IKZF1: variants seen among roughly 807,000 people sequenced by gnomAD.
IKZF1 encodes the protein DNA-binding protein Ikaros.
In IKZF1, 10 loss-of-function variants were observed where a neutral mutation model predicts 51.7. That is an observed-to-expected ratio of 0.19 (90% confidence interval 0.12 to 0.33). The LOEUF (loss-of-function observed/expected upper bound fraction) is 0.33. Ranked by LOEUF, IKZF1 falls within the 10% of genes least tolerant of loss-of-function variation. The pLI is 1.00. For missense variants in IKZF1, 484 were observed against 707.5 expected, an observed-to-expected ratio of 0.68 and a Z score of 3.58; for synonymous variants, 280 against 282.3, an observed-to-expected ratio of 0.99 and a Z score of 0.08.
At chr7:50,353,360 C>T (rs2153433488) in intron 3 of IKZF1, among the ~76,000 whole-genome samples, 1 of 152,370 alleles carries the variant, frequency 6.6e-6, no homozygotes, top group East Asian at 1.9e-4. Context: ...GCTCCTTCCC[C>T]TGCCCTAACA....
intron 3 of IKZF1, among the ~76,000 whole-genome samples, chr7:50,375,157 C>T (rs1305620676): frequency 6.6e-6 from 1 of 152,160 alleles, no homozygotes; most frequent in Non-Finnish European, 1.5e-5. Context: ...CACAGTGGCT[C>T]ACAACTGTAA....
chr7:50,368,055 A>G, intron 3 of IKZF1: 1 of 703,076 alleles, frequency 1.4e-6, no homozygotes, highest in East Asian at 2.7e-5. Context: ...TAATTCCCAA[A>G]TCTTTCTCTC....
At chr7:50,385,717 T>A (rs547144657) in intron 5 of IKZF1, among the ~76,000 whole-genome samples, 2 of 152,388 alleles carry the variant, frequency 1.3e-5, no homozygotes, top group South Asian at 2.1e-4. Context: ...TCATGGAATT[T>A]ACTGAAGTGA....
intron 3 of IKZF1, among the ~76,000 whole-genome samples, chr7:50,358,262 T>C (rs1211132792): frequency 2.0e-5 from 3 of 152,216 alleles, no homozygotes; most frequent in Non-Finnish European, 4.4e-5. Context: ...GACAGGACTT[T>C]TTGAGACACT....
In IKZF1 at chr7:50,327,741, G is replaced by A. The variant is rs377643064; in HGVS notation, c.144G>A (p.Lys48=). The A allele has an allele frequency of 2.5e-6, 4 of 1,612,752 alleles. No homozygotes were observed. The highest frequency in any genetic ancestry group is 3.3e-5 in the Admixed American group (2 of 59,840). ...STTSGGQQSS[K]SDRVVASNVK... is the part of the protein sequence containing the mutation. ...CCTCGGGAGGACAGCAAAGCTCCAAGAGTGACAGAGTCGTGGGTAAGTGGG... is the reference window on the plus strand; with the variant it reads ...CCTCGGGAGGACAGCAAAGCTCCAAAAGTGACAGAGTCGTGGGTAAGTGGG... The change falls in exon 3 of 8, where the codon AAG becomes AAA. Residue 48 remains lysine (K), a synonymous_variant. Coordinates refer to ENST00000331340, the MANE Select transcript of IKZF1 (RefSeq NM_006060.6).
intron 3 of IKZF1, among the ~76,000 whole-genome samples, chr7:50,370,954 G>C (rs1283221153): frequency 6.6e-6 from 1 of 152,180 alleles, no homozygotes; most frequent in Admixed American, 6.5e-5. Context: ...AGAGGAAGGA[G>C]TGAGCGATTT....
At chr7:50,344,072 T>G (rs1356335599) in intron 3 of IKZF1, among the ~76,000 whole-genome samples, 1 of 152,196 alleles carries the variant, frequency 6.6e-6, no homozygotes, top group African/African-American at 2.4e-5. Context: ...GAGCCCAGCT[T>G]GTTGTAAAAG....
chr7:50,381,561 C>G (rs1811854953), intron 4 of IKZF1, among the ~76,000 whole-genome samples: 1 of 152,252 alleles, frequency 6.6e-6, no homozygotes, highest in Non-Finnish European at 1.5e-5. Context: ...CCTTTGTCAG[C>G]TCCAGAATGG....
chr7:50,379,987 A>C (rs908975434), intron 4 of IKZF1, among the ~76,000 whole-genome samples: 2 of 152,220 alleles, frequency 1.3e-5, no homozygotes, highest in African/African-American at 2.4e-5. Flanking sequence ...AGTTAAATAA[A>C]AGTAAATACA....
chr7:50,375,583 ACTTT>A (rs1809996214), intron 3 of IKZF1, among the ~76,000 whole-genome samples: 1 of 152,300 alleles, frequency 6.6e-6, no homozygotes, highest in South Asian at 2.1e-4. Context: ...AATAACTCCT[ACTTT>A]CTTTAGGAAG....
chr7:50,370,889 A>T (rs994952404), intron 3 of IKZF1, among the ~76,000 whole-genome samples: 1 of 152,120 alleles, frequency 6.6e-6, no homozygotes, highest in Non-Finnish European at 1.5e-5. Context: ...CTTCAGGGAG[A>T]TGTACCATTT....
In IKZF1 at chr7:50,404,837, C is replaced by T. The variant is rs144763889; in HGVS notation, c.*4210C>T. The stretch of plus-strand genomic sequence containing the variant: ...AATTATCCTCAACATAGCCTTTTGA[C>T]GCTGTAAATCTTGAGTATTCATTTA... On this transcript the variant is annotated 3_prime_UTR_variant, in exon 8 of 8. Coordinates refer to ENST00000331340, the MANE Select transcript of IKZF1 (RefSeq NM_006060.6). The T allele has an allele frequency of 1.3e-3, 286 of 224,696 alleles. No homozygotes were observed. Among genetic ancestry groups the T allele is most frequent in the Non-Finnish European group, 2.0e-3 (225 of 112,712 alleles). The allele number at this position is 224,696 out of a possible 1,614,324, so 13.9% of individuals were successfully genotyped here. A position where few individuals can be genotyped will look rare whatever the true frequency, so the allele number is the denominator to read the frequency against.
chr7:50,391,753 G>A lies in IKZF1; in HGVS notation c.740G>A (p.Ser247Asn). ...GTCATTAAAGAAGAAACTAATCACAGTGAAATGGCAGAAGACCTGTGCAAG... is the reference window on the plus strand; with the variant it reads ...GTCATTAAAGAAGAAACTAATCACAATGAAATGGCAGAAGACCTGTGCAAG... ...YPVIKEETNH[S>N]EMAEDLCKIG... The change falls in exon 7 of 8, where the codon AGT becomes AAT. Residue 247 changes from serine (S) to asparagine (N), a missense_variant. Transcript: ENST00000331340. 4.3e-6 allele frequency: 7 copies of A among 1,614,010 alleles called. No individual in the cohort carries two copies. Among genetic ancestry groups the A allele is most frequent in the South Asian group, 1.1e-5 (1 of 91,086 alleles).
At chr7:50,379,897 G>A (rs983625970) in intron 4 of IKZF1, among the ~76,000 whole-genome samples, 2 of 152,144 alleles carry the variant, frequency 1.3e-5, no homozygotes, top group Non-Finnish European at 2.9e-5. Flanking sequence ...TCTTACAGAG[G>A]GTTCCTAAAA....
At chr7:50,327,508 T>C (rs1584505709) in intron 2 of IKZF1, 130 bp from the exon 3 acceptor site, 1 of 1,083,106 alleles carries the variant, frequency 9.2e-7, no homozygotes, top group African/African-American at 1.6e-5. Flanking sequence ...GGTATATGCA[T>C]CCCAGCAGAG....
intron 3 of IKZF1, among the ~76,000 whole-genome samples, chr7:50,351,468 A>G (rs898098222): frequency 1.3e-5 from 2 of 152,214 alleles, no homozygotes; most frequent in Admixed American, 6.5e-5. Context: ...GGACCCTGGA[A>G]GCAGTCACAC....
chr7:50,387,513 C>A lies in IKZF1; in HGVS notation c.715+43C>A, dbSNP rs150440917. 7.4e-3 allele frequency: 11,695 copies of A among 1,570,680 alleles called. 62 individuals are homozygous for A. Among genetic ancestry groups the A allele is most frequent in the Non-Finnish European group, 9.1e-3 (10,490 of 1,158,598 alleles). ...GAGGCCAGCCTGGTGGGCTCTCCCC[C>A]CAGCACGGTGGGGAAGGAGGGCGCT... On this transcript the variant is annotated intron_variant, in intron 6 of 7. Transcript: ENST00000331340.
At chr7:50,339,678 C>T (rs997589277) in intron 3 of IKZF1, among the ~76,000 whole-genome samples, 13 of 150,898 alleles carry the variant, frequency 8.6e-5, no homozygotes, top group African/African-American at 2.4e-4. Context: ...CGCTTGAATT[C>T]GGGAGGCGGG....
chr7:50,303,886 A>C (rs1788136138), upstream of IKZF1, among the ~76,000 whole-genome samples: 1 of 141,312 alleles, frequency 7.1e-6, no homozygotes, highest in Non-Finnish European at 1.6e-5. This position sits in a 1 kb window ranked among gnomAD's most constrained non-coding sequence, Gnocchi z 4.7. Flanking sequence ...CCGCGCCCCC[A>C]CGGGTTACGC....
Sources: allele counts gnomAD v4.1 joint callset (sites outside exome capture counted in the v4.1 genomes callset), GRCh38; gene constraint gnomAD v4.1.1; non-coding constraint Gnocchi (gnomAD v3.1); transcripts MANE v1.5; gene names NCBI Gene and HGNC (gene_info 2026-07-23, HGNC 2026-07-21).